The following DMRTC1B variants were observed in gnomAD, a reference collection of about 807,000 sequenced individuals.
DMRTC1B encodes DMRT like family C1B.
chrX:72,820,896 TC>T (rs2054694403), intron 1 of DMRTC1B, among the ~76,000 whole-genome samples: 1 of 22,483 alleles, frequency 4.4e-5, no homozygotes, highest in Non-Finnish European at 8.4e-5. Context: ...TTCATATATC[TC>T]AAAAAGTATT....
At chrX:72,807,913 A>G in intron 1 of DMRTC1B, 1 of 390,302 alleles carries the variant, frequency 2.6e-6, no homozygotes, top group Non-Finnish European at 4.0e-6. Context: ...AGACTAAATA[A>G]CTGGATCCTA....
chrX:72,820,293 T>G (rs1556348249), intron 1 of DMRTC1B, among the ~76,000 whole-genome samples: 1 of 61,472 alleles, frequency 1.6e-5, no homozygotes, highest in Non-Finnish European at 3.0e-5. Context: ...ACCTCCTCAC[T>G]TTTCTCTTGA....
intron 1 of DMRTC1B, among the ~76,000 whole-genome samples, chrX:72,832,658 A>G (rs1556348949): frequency 9.6e-6 from 1 of 103,893 alleles, no homozygotes; most frequent in Non-Finnish European, 2.0e-5. Context: ...GGAGGGCAGG[A>G]GGGGAGGGGG....
chrX:72,820,524 T>C (rs2054690145), intron 1 of DMRTC1B, among the ~76,000 whole-genome samples: 1 of 113,417 alleles, frequency 8.8e-6, no homozygotes, highest in Non-Finnish European at 1.9e-5. Flanking sequence ...TCTTTTTTTT[T>C]TTTTTTTTTT....
At chrX:72,794,377 CTT>C (rs2147871506) in intron 1 of DMRTC1B, among the ~76,000 whole-genome samples, 1 of 108,678 alleles carries the variant, frequency 9.2e-6, no homozygotes, top group South Asian at 3.9e-4. Context: ...CCTCAGTTTT[CTT>C]TTTGTTTGGT....
At chrX:72,839,494 A>G (rs62613887) in intron 1 of DMRTC1B, among the ~76,000 whole-genome samples, 239 of 112,254 alleles carry the variant, frequency 2.1e-3, no homozygotes, top group Non-Finnish European at 3.2e-3. Flanking sequence ...TGTTCACTGT[A>G]TTACCCCCTC....
At chrX:72,820,722 G>C (rs2054693057) in intron 1 of DMRTC1B, among the ~76,000 whole-genome samples, 1 of 76,265 alleles carries the variant, frequency 1.3e-5, no homozygotes, top group South Asian at 8.6e-4. Flanking sequence ...GTTTCACCGT[G>C]TTAGCCAGGA....
At chrX:72,820,781 C>G (rs1238516075) in intron 1 of DMRTC1B, among the ~76,000 whole-genome samples, 29 of 73,135 alleles carry the variant, frequency 4.0e-4, no homozygotes, top group African/African-American at 1.4e-3. Context: ...GCCTCCCAAC[C>G]GAGATGTTTC....
In DMRTC1B at chrX:72,807,413, C is replaced by T; in HGVS notation, c.-95+30165C>T. 2 of 362,169 alleles carry T rather than the reference C, an allele frequency of 5.5e-6. 1 individual carries two copies. 29.8% of individuals were successfully genotyped at this position (362,169 alleles called of 1,213,427 possible). Reference sequence around the variant, plus strand: ...GACGTGTTGAAAGTTACATCAAATGCCACAAAGCAAAAACAGTCAAGCGTG... The same window carrying T: ...GACGTGTTGAAAGTTACATCAAATGTCACAAAGCAAAAACAGTCAAGCGTG... On this transcript the variant is annotated intron_variant, in intron 1 of 6. Transcript: ENST00000334036.
At chrX:72,815,580 T>A (rs1159273994) in intron 1 of DMRTC1B, among the ~76,000 whole-genome samples, 1 of 111,711 alleles carries the variant, frequency 9.0e-6, no homozygotes, top group African/African-American at 3.3e-5. Context: ...TACTATAGCA[T>A]TTCACATACA....
At chrX:72,804,613 G>A (rs1193434704) in intron 1 of DMRTC1B, among the ~76,000 whole-genome samples, 6 of 57,925 alleles carry the variant, frequency 1.0e-4, no homozygotes, top group African/African-American at 2.3e-4. Flanking sequence ...TCCGGATGGT[G>A]GAATAATAAA....
intron 1 of DMRTC1B, among the ~76,000 whole-genome samples, chrX:72,820,779 A>G (rs1259178354): frequency 2.8e-5 from 2 of 72,119 alleles, no homozygotes; most frequent in Non-Finnish European, 5.3e-5. Flanking sequence ...CGGCCTCCCA[A>G]CCGAGATGTT....
At chrX:72,840,202 GC>G in intron 1 of DMRTC1B, among the ~76,000 whole-genome samples, 1 of 26,021 alleles carries the variant, frequency 3.8e-5, no homozygotes, top group African/African-American at 5.8e-5. Flanking sequence ...GCAAAGCAAA[GC>G]AAAGCAAAGC....
At chrX:72,839,401 GT>G (rs1483790511) in intron 1 of DMRTC1B, among the ~76,000 whole-genome samples, 1 of 113,170 alleles carries the variant, frequency 8.8e-6, no homozygotes, top group African/African-American at 3.3e-5. Flanking sequence ...TGGGTGAAGT[GT>G]TTGGAACTGC....
chrX:72,798,153 GTTT>G (rs372347199), intron 1 of DMRTC1B, among the ~76,000 whole-genome samples: 1 of 4,783 alleles, frequency 2.1e-4, no homozygotes, highest in Non-Finnish European at 1.3e-3. Flanking sequence ...CCAACTTTGG[GTTT>G]TTTTTTTTTT....
intron 1 of DMRTC1B, chrX:72,807,604 C>T: frequency 4.5e-6 from 4 of 897,557 alleles, no homozygotes; most frequent in South Asian, 3.0e-5. Context: ...GACAAGTGGA[C>T]CCTCGGGAGC....
At chrX:72,807,686 G>C in intron 1 of DMRTC1B, 7 of 427,904 alleles carry the variant, frequency 1.6e-5, no homozygotes, top group Admixed American at 7.4e-5. Context: ...GCTTGGTGGC[G>C]AGCCAGTGAG....
chrX:72,804,577 AATGGTG>A (rs1556346895), intron 1 of DMRTC1B, among the ~76,000 whole-genome samples: 1 of 51,302 alleles, frequency 1.9e-5, no homozygotes, highest in African/African-American at 3.8e-5. Context: ...GCAACCTCAG[AATGGTG>A]ATCACACCAC....
rs372347199 is a variant in DMRTC1B, at chrX:72,798,153, G to GT, written c.-95+20919dup. On this transcript the variant is annotated intron_variant, in intron 1 of 6. Transcript: ENST00000334036. ...ATTTCTTTTCTTCTGCCAACTTTGGGTTTTTTTTTTTTTTGTTGTTGTTGT... is the reference window on the plus strand; with the variant it reads ...ATTTCTTTTCTTCTGCCAACTTTGGGTTTTTTTTTTTTTTTGTTGTTGTTGT... Among the ~76,000 whole-genome samples the GT allele has an allele frequency of 1.7e-3, 8 of 4,793 alleles. 1 individual carries two copies. The highest frequency in any genetic ancestry group is 5.2e-3 in the Non-Finnish European group (4 of 764). The allele number at this position is 4,793 out of a possible 115,157, so 4.2% of individuals were successfully genotyped here. A position where few individuals can be genotyped will look rare whatever the true frequency, so the allele number is the denominator to read the frequency against.
Sources: gnomAD v4.1 joint callset for allele counts (sites outside exome capture counted in the v4.1 genomes callset) on GRCh38, gnomAD v4.1.1 for gene constraint, MANE v1.5 for transcripts, NCBI Gene and HGNC (gene_info 2026-07-23, HGNC 2026-07-21) for gene names.